BCL9: variants seen among roughly 807,000 people sequenced by gnomAD.
BCL9 encodes BCL9 transcription coactivator.
A neutral mutation model predicts 88.5 loss-of-function variants in BCL9; 25 were observed. The observed-to-expected ratio is 0.28, with a 90% confidence interval of 0.21 to 0.39. BCL9 has a LOEUF of 0.39. Ranked by LOEUF, BCL9 falls within the 10% of genes least tolerant of loss-of-function variation. The probability of loss-of-function intolerance (pLI) is 1.00; values close to 1 mark genes in which losing one functional copy is unlikely to be tolerated. For synonymous variants in BCL9, 711 were observed against 673.3 expected (o/e 1.06, Z -0.87); for missense variants, 1,817 against 1,877.8 (o/e 0.97, Z 0.60).
intron 1 of BCL9, among the ~76,000 whole-genome samples, chr1:147,542,489 G>C (rs587656202): frequency 6.6e-6 from 1 of 152,294 alleles, no homozygotes; most frequent in Non-Finnish European, 1.5e-5. Flanking sequence ...TGGAGAAATC[G>C]TCAGCTAGAG....
intron 1 of BCL9, among the ~76,000 whole-genome samples, chr1:147,591,166 G>A (rs1656827791): frequency 6.6e-6 from 1 of 152,036 alleles, no homozygotes; most frequent in Non-Finnish European, 1.5e-5. Flanking sequence ...ATCACATTCA[G>A]GATAATGCTG....
chr1:147,584,676 T>C (rs1271601996), intron 1 of BCL9, among the ~76,000 whole-genome samples: 2 of 152,256 alleles, frequency 1.3e-5, no homozygotes, highest in South Asian at 2.1e-4. Flanking sequence ...TTCAGACTTA[T>C]GTCTTGTGTG....
intron 1 of BCL9, among the ~76,000 whole-genome samples, chr1:147,573,629 G>A (rs1655980780): frequency 6.6e-6 from 1 of 152,060 alleles, no homozygotes; most frequent in Non-Finnish European, 1.5e-5. Context: ...GGTTTGTTTT[G>A]TTTTGTTTTA....
chr1:147,601,183 A>G (rs1657371457), intron 1 of BCL9, among the ~76,000 whole-genome samples: 2 of 152,152 alleles, frequency 1.3e-5, no homozygotes, highest in Non-Finnish European at 1.5e-5. Flanking sequence ...TTTTAGTGAT[A>G]GGAGAGACTT....
Position 147,625,048 on chromosome 1 carries a change from T to C in BCL9, c.*89T>C. 2 of 1,486,254 alleles carry C rather than the reference T, an allele frequency of 1.3e-6. No homozygotes were observed. Among genetic ancestry groups the C allele is most frequent in the Admixed American group, 2.1e-5 (1 of 47,756 alleles). The allele number at this position is 1,486,254 out of a possible 1,614,324, so 92.1% of individuals were successfully genotyped here. ...GAGGGAGTTCCAGGAGTACTTACTA[T>C]TGGTCATGCAATAGGAGAACAGAGA... On this transcript the variant is annotated 3_prime_UTR_variant, in exon 10 of 10. Coordinates refer to ENST00000234739, the MANE Select transcript of BCL9 (RefSeq NM_004326.4).
At chr1:147,621,255 G>A (rs1027169912) in intron 8 of BCL9, among the ~76,000 whole-genome samples, 198 bp downstream of exon 8, 1 of 150,994 alleles carries the variant, frequency 6.6e-6, no homozygotes, top group East Asian at 2.0e-4. Flanking sequence ...CAAAAAATAC[G>A]TATGTCAGAG....
At chr1:147,552,460 G>C (rs1452645323) in intron 1 of BCL9, among the ~76,000 whole-genome samples, 4 of 152,058 alleles carry the variant, frequency 2.6e-5, no homozygotes, top group South Asian at 2.1e-4. Flanking sequence ...TACAAAATTA[G>C]CCAGGCGTGG....
At position 147,600,566 on chromosome 1, in the gene BCL9, G is replaced by T. The variant is rs184607191; in HGVS notation, c.-477-4211G>T. On this transcript the variant is annotated intron_variant, in intron 1 of 9. Transcript: ENST00000234739. ...GGGGGTGCTTCACGGGCGGTGGAGA[G>T]AGAGGGCATCTCTTCTTTTTTTCAA... Among the ~76,000 whole-genome samples, 28 of 152,166 alleles carry T rather than the reference G, an allele frequency of 1.8e-4. No homozygotes were observed. The East Asian group carries it at 5.1e-3, about 28-fold the overall frequency.
chr1:147,598,625 A>T (rs1184636086), intron 1 of BCL9, among the ~76,000 whole-genome samples: 1 of 152,172 alleles, frequency 6.6e-6, no homozygotes, highest in Non-Finnish European at 1.5e-5. Flanking sequence ...AGAGCAGAAG[A>T]TTTATCTCGT....
intron 1 of BCL9, among the ~76,000 whole-genome samples, chr1:147,556,233 C>T (rs1397794259): frequency 6.6e-6 from 1 of 151,780 alleles, no homozygotes; most frequent in African/African-American, 2.4e-5. Flanking sequence ...ATTCTCCTGC[C>T]TCGGCCTCCT....
rs141112592 is a variant in BCL9 at position 147,620,100 on chromosome 1, A to C, written c.1945A>C (p.Met649Leu). ...KQLGLPPGMA[M>L]EGIRPSMEMN... Reference sequence around the variant, plus strand: ...GCTGGGTCTCCCCCCAGGGATGGCCATGGAAGGCATCAGGCCCAGCATGGA... The same window carrying C: ...GCTGGGTCTCCCCCCAGGGATGGCCCTGGAAGGCATCAGGCCCAGCATGGA... Residue 649 changes from methionine to leucine, a missense_variant, in exon 8 of 10, where the codon ATG becomes CTG. This residue lies in a region of BCL9 where 1,228 missense variants were observed against 1,191.6 expected (regional missense o/e 1.03). Transcript: ENST00000234739. 3.7e-6 allele frequency: 6 copies of C among 1,614,076 alleles called. No individual in the cohort carries two copies. In the African/African-American group the frequency reaches 8.0e-5, roughly 22 times the overall value.
At position 147,625,202 on chromosome 1, in the gene BCL9, G is replaced by A. The variant is rs1658878651; in HGVS notation, c.*243G>A. 2.2e-6 allele frequency: 1 copy of A among 460,578 alleles called. No homozygotes were observed. The highest frequency in any genetic ancestry group is 3.8e-5 in the Admixed American group (1 of 26,218). 28.5% of individuals were successfully genotyped at this position (460,578 alleles called of 1,614,324 possible). A position where few individuals can be genotyped will look rare whatever the true frequency, so the allele number is the denominator to read the frequency against. On this transcript the variant is annotated 3_prime_UTR_variant, in exon 10 of 10. Coordinates refer to ENST00000234739, the MANE Select transcript of BCL9 (RefSeq NM_004326.4). The stretch of plus-strand genomic sequence containing the variant: ...TTTTAAAAATTATTTTTGTGGACTT[G>A]GGTATCAATGATGGCACCTACTTTT...
At chr1:147,582,627 GA>G (rs1454876739) in intron 1 of BCL9, among the ~76,000 whole-genome samples, 2 of 152,098 alleles carry the variant, frequency 1.3e-5, no homozygotes, top group Non-Finnish European at 2.9e-5. Context: ...AATGCTTAGG[GA>G]AAAAATCAAC....
intron 1 of BCL9, among the ~76,000 whole-genome samples, chr1:147,560,125 A>G (rs1553195920): frequency 6.6e-6 from 1 of 152,210 alleles, no homozygotes; most frequent in Non-Finnish European, 1.5e-5. Flanking sequence ...TATTCAGACC[A>G]CAACTGCTAT....
chr1:147,551,820 C>T (rs781973690), intron 1 of BCL9, among the ~76,000 whole-genome samples: 80 of 152,130 alleles, frequency 5.3e-4, no homozygotes, highest in African/African-American at 1.4e-3. Flanking sequence ...TTATAAATGA[C>T]GCAGTCTGTG....
chr1:147,555,798 C>G (rs1655080617), intron 1 of BCL9, among the ~76,000 whole-genome samples: 1 of 152,218 alleles, frequency 6.6e-6, no homozygotes, highest in African/African-American at 2.4e-5. Flanking sequence ...GTGGTTGGCT[C>G]TCTCATGCCT....
At chr1:147,618,593 A>G (rs1658422413) in intron 7 of BCL9, among the ~76,000 whole-genome samples, 1 of 151,680 alleles carries the variant, frequency 6.6e-6, no homozygotes, top group Non-Finnish European at 1.5e-5. Flanking sequence ...ATTGAAACCT[A>G]ATCTTCAGCA....
chr1:147,613,314 T>C, intron 5 of BCL9, 115 bp downstream of exon 5: 5 of 1,022,158 alleles, frequency 4.9e-6, no homozygotes, highest in South Asian at 3.0e-5. Context: ...AGAGTAGGTA[T>C]CAGATTCATG....
chr1:147,623,749 T>G, intron 9 of BCL9, 93 bp from the exon 10 acceptor site: 1 of 1,386,424 alleles, frequency 7.2e-7, no homozygotes, highest in Non-Finnish European at 9.9e-7. Flanking sequence ...ACTATGCACA[T>G]TGGATGCACA....
Sources: gnomAD v4.1 joint callset for allele counts (sites outside exome capture counted in the v4.1 genomes callset) on GRCh38, gnomAD v4.1.1 for gene constraint, gnomAD v4.1.1 regional missense constraint, MANE v1.5 for transcripts, NCBI Gene and HGNC (gene_info 2026-07-23, HGNC 2026-07-21) for gene names.